ANKRD10: variants seen among roughly 807,000 people sequenced by gnomAD.
ANKRD10 encodes the protein ankyrin repeat domain-containing protein 10.
In ANKRD10, 14 loss-of-function variants were observed where a neutral mutation model predicts 27.0. The ratio of observed to expected loss-of-function variants is 0.52; its 90% CI spans 0.34 to 0.81. The LOEUF (loss-of-function observed/expected upper bound fraction) is 0.81, where lower values mean the gene tolerates loss of function less well. Among genes scored for constraint, ANKRD10 ranks in the 40% least tolerant of loss-of-function variants. The pLI is 0.01. For synonymous variants in ANKRD10, 250 were observed against 224.5 expected (o/e 1.11, Z -1.01); for missense variants, 493 against 544.0 (o/e 0.91, Z 0.93).
intron 3 of ANKRD10, among the ~76,000 whole-genome samples, chr13:110,898,567 GT>G (rs1217380499): frequency 6.6e-6 from 1 of 151,684 alleles, no homozygotes; most frequent in East Asian, 1.9e-4. Flanking sequence ...CAATCCACAG[GT>G]TTTTTTGTCT....
rs147987390 is a variant in ANKRD10, at chr13:110,894,354, AAAC to A, written c.456-1094_456-1092del. 8.4e-3 allele frequency: 3,057 copies of A among 364,162 alleles called. 102 individuals carry two copies. Among genetic ancestry groups the A allele is most frequent in the African/African-American group, 0.062 (2,827 of 45,944 alleles). 22.6% of individuals were successfully genotyped at this position (364,162 alleles called of 1,614,324 possible). ...ATCAAGGCCTTGTGCTGTGTCACTC[AAAC>A]AACCACTCCAGAACCCTGATGCCTT... On this transcript the variant is annotated intron_variant, in intron 3 of 5. Coordinates refer to ENST00000267339, the MANE Select transcript of ANKRD10 (RefSeq NM_017664.4).
chr13:110,879,733 T>C lies in ANKRD10; in HGVS notation c.1167A>G (p.Glu389=). 3.1e-6 allele frequency: 5 copies of C among 1,614,190 alleles called. No individual in the cohort carries two copies. The highest frequency in any genetic ancestry group is 4.2e-6 in the Non-Finnish European group (5 of 1,180,038). ...GFGDTAESIP[E]LNSVVEHSKS... is the part of the protein sequence containing the mutation. ...TGGAATGCTCGACCACACTGTTCAG[T>C]TCTGGGATGCTTTCAGCAGTGTCCC... Residue 389 remains glutamate (E), a synonymous_variant, in exon 6 of 6, where the codon GAA becomes GAG. Transcript: ENST00000267339.
intron 3 of ANKRD10, chr13:110,895,240 A>T (rs2065195881): frequency 1.3e-5 from 2 of 152,262 alleles, no homozygotes; most frequent in Admixed American, 1.3e-4. Flanking sequence ...TCTTTAGTGG[A>T]CCAGAGAATA....
In ANKRD10 at chr13:110,879,920, C is replaced by A. The variant is rs1438108294; in HGVS notation, c.980G>T (p.Cys327Phe). The A allele has an allele frequency of 1.2e-6, 2 of 1,614,082 alleles. No individual in the cohort carries two copies. Among genetic ancestry groups the A allele is most frequent in the East Asian group, 2.2e-5 (1 of 44,896 alleles). ...QPFPSSQGSL[C>F]ISGTEEPEKT... ...CTCTGGCTCCTCAGTCCCACTAATG[C>A]AGAGAGAACCCTGGCTACTCGGAAA... Residue 327 changes from cysteine (C) to phenylalanine (F), a missense_variant, in exon 6 of 6, where the codon TGC (cysteine) becomes TTC (phenylalanine). By Grantham distance (205) the Cys-to-Phe change is radical (BLOSUM62 -2). Coordinates refer to ENST00000267339, the MANE Select transcript of ANKRD10 (RefSeq NM_017664.4).
At chr13:110,904,737 T>C (rs550783324) in intron 3 of ANKRD10, among the ~76,000 whole-genome samples, 2 of 152,366 alleles carry the variant, frequency 1.3e-5, no homozygotes, top group African/African-American at 4.8e-5. Context: ...CAATTGTTTC[T>C]ACATTACCTT....
At chr13:110,909,521 A>G (rs2065633604) in intron 2 of ANKRD10, among the ~76,000 whole-genome samples, 1 of 152,228 alleles carries the variant, frequency 6.6e-6, no homozygotes, top group East Asian at 1.9e-4. Flanking sequence ...GTGGCAGCAC[A>G]ACCTTAAAAC....
At chr13:110,904,902 C>T (rs1257118981) in intron 3 of ANKRD10, 1 of 152,178 alleles carries the variant, frequency 6.6e-6, no homozygotes, top group African/African-American at 2.4e-5. Context: ...AAGCTATTCA[C>T]AGATGATTGA....
intron 5 of ANKRD10, 46 bp from the exon 6 acceptor site, chr13:110,880,158 G>T (rs2064784780): frequency 1.3e-6 from 2 of 1,506,786 alleles, no homozygotes; most frequent in African/African-American, 2.8e-5. Flanking sequence ...AACCAATGAG[G>T]GAGGAGAAAC....
intron 4 of ANKRD10, among the ~76,000 whole-genome samples, chr13:110,886,385 G>C (rs2064930673): frequency 6.6e-6 from 1 of 152,172 alleles, no homozygotes; most frequent in African/African-American, 2.4e-5. Context: ...ATTCTATTGT[G>C]GGAATCATTC....
rs757169482 is a variant in ANKRD10 at position 110,910,656 on chromosome 13, C to G, written c.325G>C (p.Val109Leu). ...TTGGCTCCTGCTTGAATCAGCCAGA[C>G]CAGGCACTGAGGATGTCCCCCAAAG... ...AAFGGHPQCL[V>L]WLIQAGANIN... The change falls in exon 2 of 6, where the codon GTC becomes CTC. Residue 109 changes from valine (V) to leucine (L), a missense_variant. Transcript: ENST00000267339. 1.7e-5 allele frequency: 28 copies of G among 1,614,072 alleles called. No homozygotes were observed. The highest frequency in any genetic ancestry group is 2.3e-5 in the Non-Finnish European group (27 of 1,180,050).
chr13:110,890,382 C>T (rs2065042825), intron 4 of ANKRD10, among the ~76,000 whole-genome samples: 1 of 152,114 alleles, frequency 6.6e-6, no homozygotes, highest in Non-Finnish European at 1.5e-5. Context: ...TCACCTTTTC[C>T]CATAGGGAAA....
chr13:110,903,110 C>G (rs886472975), intron 3 of ANKRD10, among the ~76,000 whole-genome samples: 1 of 152,176 alleles, frequency 6.6e-6, no homozygotes, highest in African/African-American at 2.4e-5. Flanking sequence ...AATGAGATGA[C>G]AATCTTTTTG....
chr13:110,903,346 G>A (rs1404391256), intron 3 of ANKRD10: 1 of 152,594 alleles, frequency 6.6e-6, no homozygotes, highest in East Asian at 1.9e-4. Context: ...TTAATTTTTA[G>A]ATGTAAACAA....
chr13:110,882,456 G>T (rs1418060805), intron 5 of ANKRD10, among the ~76,000 whole-genome samples: 2 of 152,228 alleles, frequency 1.3e-5, no homozygotes, highest in Non-Finnish European at 2.9e-5. Flanking sequence ...AACACAGGGT[G>T]TATGGACTCG....
intron 3 of ANKRD10, among the ~76,000 whole-genome samples, chr13:110,898,746 TTTTC>T (rs1393117597): frequency 1.8e-5 from 2 of 112,032 alleles, no homozygotes; most frequent in African/African-American, 2.9e-5. Context: ...CTAGTTTTTC[TTTTC>T]TTTTTTTTTT....
At chr13:110,886,548 G>A (rs928108514) in intron 4 of ANKRD10, among the ~76,000 whole-genome samples, 1 of 152,162 alleles carries the variant, frequency 6.6e-6, no homozygotes, top group Non-Finnish European at 1.5e-5. Context: ...TTAATTGGCT[G>A]GTAGAGATAT....
At chr13:110,899,215 A>G (rs957596593) in intron 3 of ANKRD10, 1 of 152,244 alleles carries the variant, frequency 6.6e-6, no homozygotes, top group Non-Finnish European at 1.5e-5. Context: ...ACTATTCCAA[A>G]GGGAAAATTA....
intron 4 of ANKRD10, chr13:110,892,660 T>C: frequency 1.2e-6 from 1 of 864,548 alleles, no homozygotes; most frequent in Non-Finnish European, 1.3e-6. Flanking sequence ...CCCAGGAACA[T>C]TTACAAGAAG....
At chr13:110,884,641 T>C (rs2064882233) in intron 4 of ANKRD10, among the ~76,000 whole-genome samples, 1 of 152,278 alleles carries the variant, frequency 6.6e-6, no homozygotes, top group African/African-American at 2.4e-5. Context: ...TATGGCTGTA[T>C]TACGATTCGC....
Sources: allele counts gnomAD v4.1 joint callset (sites outside exome capture counted in the v4.1 genomes callset), GRCh38; gene constraint gnomAD v4.1.1; transcripts MANE v1.5; gene names NCBI Gene and HGNC (gene_info 2026-07-23, HGNC 2026-07-21).